IRAK1BP1: variants seen among roughly 807,000 people sequenced by gnomAD.
The protein encoded by IRAK1BP1 is interleukin-1 receptor-associated kinase 1-binding protein 1.
A neutral mutation model predicts 28.0 loss-of-function variants in IRAK1BP1; 24 were observed. The observed-to-expected ratio is 0.86, with a 90% CI of 0.62 to 1.20. The LOEUF (loss-of-function observed/expected upper bound fraction) is 1.20, where lower values mean the gene tolerates loss of function less well. Among genes scored for constraint, IRAK1BP1 ranks in the 50% most tolerant of loss-of-function variants. IRAK1BP1 has a pLI of 0.00. For synonymous variants in IRAK1BP1, 131 were observed against 116.3 expected, an observed-to-expected ratio of 1.13 and a Z score of -0.81; for missense variants, 336 against 316.7, an observed-to-expected ratio of 1.06 and a Z score of -0.46.
chr6:78,951,948 G>C, the IRAK1BP1 span, among the ~76,000 whole-genome samples: 1,037 of 152,254 alleles, frequency 6.8e-3, 4 homozygotes, highest in African/African-American at 0.023. Flanking sequence ...TTCAACATCA[G>C]TAAAGTGAGT....
At chr6:78,897,407 C>A (rs1178680168) in intron 2 of IRAK1BP1, among the ~76,000 whole-genome samples, 3 of 151,802 alleles carry the variant, frequency 2.0e-5, no homozygotes, top group Non-Finnish European at 4.4e-5. Context: ...ACATATAGAT[C>A]TGAACAGAAC....
chr6:78,979,330 C>CA, the IRAK1BP1 span, among the ~76,000 whole-genome samples: 1 of 152,042 alleles, frequency 6.6e-6, no homozygotes, highest in African/African-American at 2.4e-5. Context: ...AAGATATCCC[C>CA]ACAAACCCCA....
intron 2 of IRAK1BP1, among the ~76,000 whole-genome samples, chr6:78,895,551 A>G (rs1771851719): frequency 6.6e-6 from 1 of 152,220 alleles, no homozygotes; most frequent in Non-Finnish European, 1.5e-5. Context: ...GAATAATATT[A>G]ATACATAATG....
intron 4 of IRAK1BP1, chr6:78,941,071 A>C: frequency 6.2e-7 from 1 of 1,614,066 alleles, no homozygotes; most frequent in African/African-American, 1.3e-5. Flanking sequence ...TATTAGTTTC[A>C]GAAAGAAAAT....
chr6:78,913,606 CTG>C (rs1772481659), intron 4 of IRAK1BP1, among the ~76,000 whole-genome samples: 2 of 152,268 alleles, frequency 1.3e-5, no homozygotes, highest in African/African-American at 4.8e-5. Flanking sequence ...AGATTACACA[CTG>C]TACTCCAGCC....
the IRAK1BP1 span, among the ~76,000 whole-genome samples, chr6:78,973,773 C>T: frequency 6.6e-6 from 1 of 151,756 alleles, no homozygotes; most frequent in Admixed American, 6.6e-5. Context: ...TCAAAAGAGA[C>T]AAAGAAGGCC....
chr6:78,938,070 G>T (rs1176135941), intron 4 of IRAK1BP1: 7 of 151,582 alleles, frequency 4.6e-5, no homozygotes, highest in Non-Finnish European at 1.0e-4. Context: ...AAGTGGTAAA[G>T]AAAACAAAAA....
At position 78,898,238 on chromosome 6, in the gene IRAK1BP1, A is replaced by G; in HGVS notation, c.687A>G (p.Val229=). The G allele has an allele frequency of 6.2e-7, 1 of 1,613,572 alleles. No individual in the cohort carries two copies. Among genetic ancestry groups the G allele is most frequent in the Non-Finnish European group, 8.5e-7 (1 of 1,179,846 alleles). The change falls in exon 4 of 4, where the codon GTA becomes GTG. Residue 229 remains valine (V), a synonymous_variant. Transcript: ENST00000369940. ...QSSRLSSSLT[V]QQKIKSATIH... Reference sequence around the variant, plus strand: ...CCAGACTCTCAAGTTCATTAACTGTACAACAAAAAATCAAAAGTGCAACAA... The same window carrying G: ...CCAGACTCTCAAGTTCATTAACTGTGCAACAAAAAATCAAAAGTGCAACAA...
chr6:78,972,077 G>A, the IRAK1BP1 span, among the ~76,000 whole-genome samples: 473 of 152,072 alleles, frequency 3.1e-3, 2 homozygotes, highest in African/African-American at 0.011. Flanking sequence ...TGGGGGCAGG[G>A]CACAGACAAA....
At chr6:78,936,894 T>C (rs941424660) in intron 4 of IRAK1BP1, 1 of 151,950 alleles carries the variant, frequency 6.6e-6, no homozygotes, top group East Asian at 1.9e-4. Context: ...ACTTGGAAAT[T>C]AGGGGAACTA....
chr6:78,897,862 C>T lies in IRAK1BP1; in HGVS notation c.415C>T (p.Gln139Ter). The T allele has an allele frequency of 1.2e-6, 2 of 1,613,214 alleles. No individual in the cohort carries two copies. Among genetic ancestry groups the T allele is most frequent in the Non-Finnish European group, 1.7e-6 (2 of 1,179,448 alleles). The change falls in exon 3 of 4, where the codon CAA (glutamine) becomes TAA (stop). Residue 139 changes from glutamine (Q) to a stop codon, truncating the protein, a stop_gained. Transcript: ENST00000369940. LOFTEE classifies it high-confidence loss of function. ...TACATTTACTGAATTTGGAAAAATG[C>T]AAAATATTTGTAACTTTCTTGTTGA... The part of the protein sequence containing the change: ...CITFTEFGKM[Q>*]NICNFLVEKL...
chr6:78,897,328 T>C (rs561546712), intron 2 of IRAK1BP1, among the ~76,000 whole-genome samples: 1 of 149,874 alleles, frequency 6.7e-6, no homozygotes, highest in Non-Finnish European at 1.5e-5. Context: ...GGTTTTAAAG[T>C]ATTGCCGAAT....
chr6:78,887,991 G>C (rs1771492073), intron 2 of IRAK1BP1, among the ~76,000 whole-genome samples: 1 of 150,040 alleles, frequency 6.7e-6, no homozygotes, highest in Non-Finnish European at 1.5e-5. Flanking sequence ...AAGAAAATGT[G>C]TTATATACAT....
the IRAK1BP1 span, among the ~76,000 whole-genome samples, chr6:78,973,735 G>A: frequency 6.6e-6 from 1 of 151,868 alleles, no homozygotes; most frequent in African/African-American, 2.4e-5. Flanking sequence ...ATCCTAGTCT[G>A]ATAAAACAGA....
intron 4 of IRAK1BP1, among the ~76,000 whole-genome samples, chr6:78,912,800 CAAAG>C (rs1772461663): frequency 6.6e-6 from 1 of 152,172 alleles, no homozygotes; most frequent in South Asian, 2.1e-4. Flanking sequence ...TATGAAGAGA[CAAAG>C]AATATGCCAC....
intron 1 of IRAK1BP1, among the ~76,000 whole-genome samples, chr6:78,873,570 C>T (rs529709350): frequency 1.8e-4 from 28 of 152,004 alleles, no homozygotes; most frequent in South Asian, 1.7e-3. Context: ...CCTAAAACTC[C>T]GGGGCTCAAG....
At chr6:78,892,820 C>T (rs1771711752) in intron 2 of IRAK1BP1, among the ~76,000 whole-genome samples, 1 of 152,086 alleles carries the variant, frequency 6.6e-6, no homozygotes, top group African/African-American at 2.4e-5. Context: ...TTAGACCTTA[C>T]ACAAGACGTG....
the IRAK1BP1 span, among the ~76,000 whole-genome samples, chr6:78,976,757 C>CA: frequency 1.4e-5 from 2 of 145,258 alleles, no homozygotes; most frequent in Non-Finnish European, 3.0e-5. Flanking sequence ...TTTATGCAGC[C>CA]AAAAAACACA....
downstream of IRAK1BP1, among the ~76,000 whole-genome samples, chr6:78,907,023 A>G (rs1772279365): frequency 6.6e-6 from 1 of 152,198 alleles, no homozygotes. Flanking sequence ...GAGAGATGAA[A>G]TGCCATATTG....
Sources: gnomAD v4.1 joint callset for allele counts (sites outside exome capture counted in the v4.1 genomes callset) on GRCh38, gnomAD v4.1.1 for gene constraint, MANE v1.5 for transcripts, NCBI Gene and HGNC (gene_info 2026-07-23, HGNC 2026-07-21) for gene names.